Variants in ECHDC3 observed in about 807,000 individuals in gnomAD.
ECHDC3 encodes the protein enoyl-CoA hydratase domain containing 3, also known as enoyl-CoA hydratase domain-containing protein 3, mitochondrial.
In ECHDC3, 20 loss-of-function variants were observed where a neutral mutation model predicts 17.9. The ratio of observed to expected loss-of-function variants is 1.12; its 90% confidence interval spans 0.79 to 1.63. The LOEUF (loss-of-function observed/expected upper bound fraction) is 1.63. Ranked by LOEUF, ECHDC3 falls within the 40% of genes most tolerant of loss-of-function variation. ECHDC3 has a pLI of 0.00. For missense variants in ECHDC3, 407 were observed against 357.7 expected (o/e 1.14, Z -1.11); for synonymous variants, 177 against 149.7 (o/e 1.18, Z -1.33).
At chr10:11,748,267 G>T (rs917736707) in intron 2 of ECHDC3, among the ~76,000 whole-genome samples, 2 of 151,562 alleles carry the variant, frequency 1.3e-5, no homozygotes, top group Non-Finnish European at 1.5e-5. Context: ...TTGCCCTGTT[G>T]CCCAGGCTGG....
intron 3 of ECHDC3, among the ~76,000 whole-genome samples, chr10:11,755,002 T>C (rs1400348439): frequency 6.6e-6 from 1 of 152,228 alleles, no homozygotes; most frequent in East Asian, 1.9e-4. Flanking sequence ...TGAAAAGTGC[T>C]CTGGAAACAG....
chr10:11,746,874 G>T (rs147455379), intron 1 of ECHDC3, among the ~76,000 whole-genome samples: 1 of 152,290 alleles, frequency 6.6e-6, no homozygotes, highest in East Asian at 1.9e-4. Flanking sequence ...GGTGGAGGTT[G>T]CAGTGAGCCG....
At chr10:11,758,523 TAGAG>T (rs1176505854) in intron 4 of ECHDC3, among the ~76,000 whole-genome samples, 1 of 152,186 alleles carries the variant, frequency 6.6e-6, no homozygotes, top group South Asian at 2.1e-4. Context: ...GTGCAGATGT[TAGAG>T]AGCCTGGGAG....
At position 11,763,219 on chromosome 10, in the gene ECHDC3, C is replaced by A; in HGVS notation, c.592-5C>A. The A allele has an allele frequency of 1.3e-6, 1 of 770,324 alleles. No individual in the cohort carries two copies. Among genetic ancestry groups the A allele is most frequent in the South Asian group, 1.4e-5 (1 of 73,052 alleles). The allele number at this position is 770,324 out of a possible 1,614,324, so 47.7% of individuals were successfully genotyped here. A position where few individuals can be genotyped will look rare whatever the true frequency, so the allele number is the denominator to read the frequency against. On this transcript the variant is annotated splice_region_variant and splice_polypyrimidine_tract_variant and intron_variant, in intron 4 of 4. Transcript: ENST00000379215. This position sits in a 1 kb window ranked among gnomAD's most constrained non-coding sequence, Gnocchi z 4.9. ...ACCTCAGTGACATCCCGTGTCTCCC[C>A]GTAGGTGGCCTTGGAGATGCTCTTT...
chr10:11,743,935 C>G (rs746805680), intron 1 of ECHDC3, among the ~76,000 whole-genome samples: 1 of 152,176 alleles, frequency 6.6e-6, no homozygotes, highest in Non-Finnish European at 1.5e-5. Flanking sequence ...CACATGAATG[C>G]TAGGGTTTGT....
chr10:11,756,219 G>A (rs1037038504), intron 4 of ECHDC3, among the ~76,000 whole-genome samples: 2 of 152,228 alleles, frequency 1.3e-5, no homozygotes, highest in African/African-American at 4.8e-5. Flanking sequence ...GTTAACTACA[G>A]TGAAGTCTGT....
At chr10:11,753,299 C>G (rs1832848304) in intron 3 of ECHDC3, among the ~76,000 whole-genome samples, 1 of 152,170 alleles carries the variant, frequency 6.6e-6, no homozygotes. Flanking sequence ...AGGAGAGTCA[C>G]TTGAACCCGG....
In ECHDC3 at chr10:11,755,565, G is replaced by C. The variant is rs1252726321; in HGVS notation, c.548G>C (p.Cys183Ser). The change falls in exon 4 of 5, where the codon TGT (cysteine) becomes TCT (serine). Residue 183 changes from cysteine to serine, a missense_variant. Transcript: ENST00000379215. ...CCTGGGGTGAACGTCGGGCTCTTCT[G>C]TTCTACCCCTGGGGTTGCCTTGGCA... is the stretch of plus-strand genomic sequence containing the variant. ...ATPGVNVGLF[C>S]STPGVALARA... The C allele has an allele frequency of 2.5e-6, 4 of 1,613,896 alleles. No homozygotes were observed. The highest frequency in any genetic ancestry group is 3.3e-5 in the Admixed American group (2 of 59,978).
Position 11,747,377 on chromosome 10 carries a change from A to G in ECHDC3, c.199A>G (p.Arg67Gly). 6.2e-7 allele frequency: 1 copy of G among 1,614,026 alleles called. No individual in the cohort carries two copies. The highest frequency in any genetic ancestry group is 8.5e-7 in the Non-Finnish European group (1 of 1,179,938). The change falls in exon 2 of 5, where the codon AGG becomes GGG. Residue 67 changes from arginine (R) to glycine (G), a missense_variant. By Grantham distance (125) the Arg-to-Gly change is moderately radical. Coordinates refer to ENST00000379215, the MANE Select transcript of ECHDC3 (RefSeq NM_024693.5). ...RNIVLSNPKK[R>G]NALSLAMLKS... ...CATCGTCTTGAGCAATCCCAAGAAG[A>G]GGAACGCGTTGTCACTTGCAATGCT...
intron 2 of ECHDC3, among the ~76,000 whole-genome samples, chr10:11,747,743 C>T (rs922686924): frequency 7.2e-5 from 11 of 152,210 alleles, no homozygotes; most frequent in East Asian, 1.9e-4. Context: ...TACTGGTCTT[C>T]CCCTCAAAAT....
At position 11,763,748 on chromosome 10, in the gene ECHDC3, T is replaced by A. The variant is rs538640739; in HGVS notation, c.*204T>A. The A allele has an allele frequency of 7.2e-6, 10 of 1,380,638 alleles. No homozygotes were observed. In the African/African-American group the frequency reaches 1.5e-4, roughly 20 times the overall value. 85.5% of individuals were successfully genotyped at this position (1,380,638 alleles called of 1,614,324 possible). On this transcript the variant is annotated 3_prime_UTR_variant, in exon 5 of 5. Transcript: ENST00000379215. This position sits in a 1 kb window ranked among gnomAD's most constrained non-coding sequence, Gnocchi z 4.9. ...AGAGTGACTGAGGTGCTGACCTCAG[T>A]GCAAGGCTGGTGAACCCTGCAGCGG...
Position 11,763,726 on chromosome 10 carries a change from G to C in ECHDC3, c.*182G>C. ...TCATGGGGAAAGGACAAAATGGAGA[G>C]TGACTGAGGTGCTGACCTCAGTGCA... is the stretch of plus-strand genomic sequence containing the variant. On this transcript the variant is annotated 3_prime_UTR_variant, in exon 5 of 5. Coordinates refer to ENST00000379215, the MANE Select transcript of ECHDC3 (RefSeq NM_024693.5). This position sits in a 1 kb window ranked among gnomAD's most constrained non-coding sequence, Gnocchi z 4.9. 1 of 1,408,334 alleles carries C rather than the reference G, an allele frequency of 7.1e-7. No individual in the cohort carries two copies. Among genetic ancestry groups the C allele is most frequent in the South Asian group, 1.5e-5 (1 of 64,776 alleles). The allele number at this position is 1,408,334 out of a possible 1,614,324, so 87.2% of individuals were successfully genotyped here.
chr10:11,749,196 TACCTTC>T (rs1477283377), intron 2 of ECHDC3, among the ~76,000 whole-genome samples: 1 of 152,222 alleles, frequency 6.6e-6, no homozygotes, highest in East Asian at 1.9e-4. Context: ...CTGTATAAAA[TACCTTC>T]GCCTTGGTAA....
At chr10:11,743,001 A>G (rs1397516150) in intron 1 of ECHDC3, 3 of 335,878 alleles carry the variant, frequency 8.9e-6, no homozygotes, top group Non-Finnish European at 1.6e-5. Flanking sequence ...GGGCCTGCGG[A>G]GAGGCCTGGA....
intron 1 of ECHDC3, among the ~76,000 whole-genome samples, chr10:11,745,262 C>T (rs558483862): frequency 3.0e-4 from 46 of 152,146 alleles, no homozygotes; most frequent in East Asian, 5.8e-4. Flanking sequence ...GAACAGATTC[C>T]GCGGCGCACA....
intron 1 of ECHDC3, among the ~76,000 whole-genome samples, chr10:11,744,088 G>A (rs1212230567): frequency 6.6e-6 from 1 of 152,338 alleles, no homozygotes. Context: ...CAGCACTGCT[G>A]TCATGGACCC....
In ECHDC3 at chr10:11,763,897, T is replaced by C. The variant is rs1832983690; in HGVS notation, c.*353T>C. The stretch of plus-strand genomic sequence containing the variant: ...GAAAGAAGGACGCCAGCCTGACCCT[T>C]ATCTGAAACGTCCTAAGCAGAGTTA... On this transcript the variant is annotated 3_prime_UTR_variant, in exon 5 of 5. Transcript: ENST00000379215. This position sits in a 1 kb window ranked among gnomAD's most constrained non-coding sequence, Gnocchi z 4.9. 1 of 1,044,132 alleles carries C rather than the reference T, an allele frequency of 9.6e-7. No individual in the cohort carries two copies. 64.7% of individuals were successfully genotyped at this position (1,044,132 alleles called of 1,614,324 possible). A position where few individuals can be genotyped will look rare whatever the true frequency, so the allele number is the denominator to read the frequency against.
rs758308226 is a variant in ECHDC3, at chr10:11,763,179, G to A, written c.592-45G>A. ...GAGGCGGGACTCAGGTGGCGGGGGC[G>A]GGTCACAGGAGAGCACCTCAGTGAC... On this transcript the variant is annotated intron_variant, in intron 4 of 4. Transcript: ENST00000379215. This position sits in a 1 kb window ranked among gnomAD's most constrained non-coding sequence, Gnocchi z 4.9. 4 of 705,918 alleles carry A rather than the reference G, an allele frequency of 5.7e-6. No homozygotes were observed. The highest frequency in any genetic ancestry group is 1.9e-5 in the Admixed American group (1 of 52,102). 43.7% of individuals were successfully genotyped at this position (705,918 alleles called of 1,614,324 possible). A position where few individuals can be genotyped will look rare whatever the true frequency, so the allele number is the denominator to read the frequency against.
At chr10:11,762,757 C>T (rs1472578969) in intron 4 of ECHDC3, among the ~76,000 whole-genome samples, 2 of 152,170 alleles carry the variant, frequency 1.3e-5, no homozygotes, top group African/African-American at 2.4e-5. Flanking sequence ...CTTGCCTCTC[C>T]GGGAGGCTGG....
Sources: gnomAD v4.1 joint callset for allele counts (sites outside exome capture counted in the v4.1 genomes callset) on GRCh38, gnomAD v4.1.1 for gene constraint, Gnocchi (gnomAD v3.1) non-coding constraint, MANE v1.5 for transcripts, NCBI Gene and HGNC (gene_info 2026-07-23, HGNC 2026-07-21) for gene names.